Variants in NOL4L observed in about 807,000 individuals in gnomAD.
NOL4L encodes nucleolar protein 4-like.
A neutral mutation model predicts 64.5 loss-of-function variants in NOL4L; 7 were observed. The ratio of observed to expected loss-of-function variants is 0.11; its 90% confidence interval spans 0.06 to 0.20. The LOEUF (loss-of-function observed/expected upper bound fraction) is 0.20. NOL4L is among the 10% of genes least tolerant of loss of function. The pLI, the probability that NOL4L is intolerant of heterozygous loss-of-function variation, is 1.00. For synonymous variants in NOL4L, 413 were observed against 401.0 expected, an observed-to-expected ratio of 1.03 and a Z score of -0.36; for missense variants, 680 against 967.1, an observed-to-expected ratio of 0.70 and a Z score of 3.94.
intron 3 of NOL4L, among the ~76,000 whole-genome samples, chr20:32,514,250 G>C (rs1423396842): frequency 1.3e-5 from 2 of 152,188 alleles, no homozygotes; most frequent in African/African-American, 4.8e-5. Context: ...CCAGCACTTA[G>C]GGAGGCTGAG....
intron 1 of NOL4L, among the ~76,000 whole-genome samples, chr20:32,579,209 C>G: frequency 6.6e-6 from 1 of 152,224 alleles, no homozygotes; most frequent in East Asian, 1.9e-4. Context: ...TAGATGCCGA[C>G]AAACACGCAG....
At chr20:32,545,209 G>T (rs1372678362) in intron 1 of NOL4L, among the ~76,000 whole-genome samples, 1 of 152,176 alleles carries the variant, frequency 6.6e-6, no homozygotes. Flanking sequence ...GGAGTTTGAG[G>T]CTGCAGTGAG....
chr20:32,493,887 C>T (rs950516190), intron 4 of NOL4L, among the ~76,000 whole-genome samples: 2 of 152,152 alleles, frequency 1.3e-5, no homozygotes, highest in Admixed American at 1.3e-4. Flanking sequence ...TTTCCCCACC[C>T]CTTCCCTTGA....
chr20:32,575,833 G>A (rs986173930), intron 1 of NOL4L, among the ~76,000 whole-genome samples: 2 of 152,228 alleles, frequency 1.3e-5, no homozygotes, highest in South Asian at 4.1e-4. Context: ...TCTAAGGTGG[G>A]CCTCACTGGG....
At chr20:32,528,319 C>T (rs1261584790) in intron 1 of NOL4L, among the ~76,000 whole-genome samples, 1 of 152,174 alleles carries the variant, frequency 6.6e-6, no homozygotes, top group Non-Finnish European at 1.5e-5. Flanking sequence ...TAGCAGTAAC[C>T]TTTCACTGTG....
chr20:32,584,819 G>T lies in NOL4L; in HGVS notation c.72C>A (p.Gly24=), dbSNP rs1217723501. The change falls in exon 1 of 11, where the codon GGC becomes GGA. Residue 24 remains glycine, a synonymous_variant. Coordinates refer to ENST00000621426, the MANE Select transcript of NOL4L (RefSeq NM_001256798.2). ...RERSPGDSEL[G]RQFRDWCLRT... ...GCAAGCACCAGTCCCGGAACTGGCG[G>T]CCCAGCTCCGAGTCCCCGGGGCTGC... 2.0e-6 allele frequency: 3 copies of T among 1,517,688 alleles called. No individual in the cohort carries two copies. Among genetic ancestry groups the T allele is most frequent in the Non-Finnish European group, 2.6e-6 (3 of 1,135,960 alleles). 94.0% of individuals were successfully genotyped at this position (1,517,688 alleles called of 1,614,324 possible). A position where few individuals can be genotyped will look rare whatever the true frequency, so the allele number is the denominator to read the frequency against.
intron 4 of NOL4L, among the ~76,000 whole-genome samples, chr20:32,481,439 G>T (rs1011985404): frequency 6.6e-6 from 1 of 152,190 alleles, no homozygotes; most frequent in African/African-American, 2.4e-5. Flanking sequence ...AGACAACACA[G>T]AAAAAGTTCT....
chr20:32,504,364 T>C (rs1256882951), intron 4 of NOL4L, among the ~76,000 whole-genome samples: 2 of 152,006 alleles, frequency 1.3e-5, no homozygotes, highest in East Asian at 3.9e-4. Flanking sequence ...ATCGAGACCA[T>C]CCTGGCTAAC....
chr20:32,485,365 G>A (rs293540), intron 4 of NOL4L, among the ~76,000 whole-genome samples: 22,307 of 152,064 alleles, frequency 0.15, 2,626 homozygotes, highest in African/African-American at 0.33. Context: ...CTCTACAGCC[G>A]CGAGTGCGAA....
chr20:32,578,573 C>T (rs1292124743), intron 1 of NOL4L, among the ~76,000 whole-genome samples: 1 of 152,140 alleles, frequency 6.6e-6, no homozygotes, highest in South Asian at 2.1e-4. Flanking sequence ...TGCATACAGA[C>T]GGGGTCTCAC....
chr20:32,494,288 A>AC (rs200178905), intron 4 of NOL4L, among the ~76,000 whole-genome samples: 52 of 126,004 alleles, frequency 4.1e-4, no homozygotes, highest in African/African-American at 1.5e-3. Flanking sequence ...AAAAACACAC[A>AC]ACACACACAC....
At chr20:32,481,961 G>C (rs2015740382) in intron 4 of NOL4L, among the ~76,000 whole-genome samples, 1 of 148,502 alleles carries the variant, frequency 6.7e-6, no homozygotes, top group Admixed American at 6.7e-5. Flanking sequence ...TGGTGGGGCG[G>C]GGCGGGGGGG....
intron 5 of NOL4L, among the ~76,000 whole-genome samples, chr20:32,471,719 G>A (rs973453026): frequency 2.6e-5 from 4 of 152,104 alleles, no homozygotes; most frequent in Non-Finnish European, 4.4e-5. Context: ...GTCATGAGGG[G>A]CAGATTCCTT....
At chr20:32,536,142 C>T in intron 1 of NOL4L, 1 of 985,670 alleles carries the variant, frequency 1.0e-6, no homozygotes, top group Non-Finnish European at 1.2e-6. Flanking sequence ...CAAACAGCAC[C>T]CGCCCTAGAA....
At chr20:32,511,647 T>A (rs1048424681) in intron 3 of NOL4L, among the ~76,000 whole-genome samples, 191 bp from the exon 4 acceptor site, 8 of 152,184 alleles carry the variant, frequency 5.3e-5, no homozygotes, top group Non-Finnish European at 1.0e-4. Context: ...AAAATATTTT[T>A]TTTTTATTAA....
rs545046046 is a variant in NOL4L, at chr20:32,505,253, G to C, written c.699+6094C>G. Among the ~76,000 whole-genome samples, 82 of 152,264 alleles carry C rather than the reference G, an allele frequency of 5.4e-4. 1 individual carries two copies. The highest frequency in any genetic ancestry group is 1.9e-3 in the African/African-American group (77 of 41,538). On this transcript the variant is annotated intron_variant, in intron 4 of 10. Transcript: ENST00000621426. The stretch of plus-strand genomic sequence containing the variant: ...GGTCTTTCTGGGCAGGGGGGAGATT[G>C]AGAGGGTTCATAAGAAAGAGAAAAG...
At chr20:32,560,766 T>C (rs964734053) in intron 1 of NOL4L, among the ~76,000 whole-genome samples, 1 of 152,342 alleles carries the variant, frequency 6.6e-6, no homozygotes, top group Admixed American at 6.5e-5. Flanking sequence ...CACAGTTCTA[T>C]CCTGGACGGC....
chr20:32,531,412 C>G (rs980236214), intron 1 of NOL4L, among the ~76,000 whole-genome samples: 1 of 151,224 alleles, frequency 6.6e-6, no homozygotes, highest in Non-Finnish European at 1.5e-5. Flanking sequence ...ACTCTGCCAT[C>G]AGGCTGGAGT....
At chr20:32,571,457 T>A (rs972603440) in intron 1 of NOL4L, among the ~76,000 whole-genome samples, 1 of 152,240 alleles carries the variant, frequency 6.6e-6, no homozygotes, top group African/African-American at 2.4e-5. Context: ...TCCACTCACC[T>A]CGGCCTCCCA....
Sources: gnomAD v4.1 joint callset for allele counts (sites outside exome capture counted in the v4.1 genomes callset) on GRCh38, gnomAD v4.1.1 for gene constraint, MANE v1.5 for transcripts, NCBI Gene and HGNC (gene_info 2026-07-23, HGNC 2026-07-21) for gene names.